PPARG: variants seen among roughly 807,000 people sequenced by gnomAD.
The protein encoded by PPARG is peroxisome proliferator-activated receptor gamma.
A neutral mutation model predicts 39.2 loss-of-function variants in PPARG; 17 were observed. The ratio of observed to expected loss-of-function variants is 0.43; its 90% CI spans 0.30 to 0.65. The LOEUF (loss-of-function observed/expected upper bound fraction) is 0.65, where lower values mean the gene tolerates loss of function less well. Ranked by LOEUF, PPARG falls within the 30% of genes least tolerant of loss-of-function variation. The probability of loss-of-function intolerance (pLI) is 0.13; values close to 1 mark genes in which losing one functional copy is unlikely to be tolerated. For synonymous variants in PPARG, 223 were observed against 215.7 expected, an observed-to-expected ratio of 1.03 and a Z score of -0.30; for missense variants, 406 against 585.9, an observed-to-expected ratio of 0.69 and a Z score of 3.17.
At chr3:12,361,041 A>T (rs4135307) in intron 2 of PPARG, among the ~76,000 whole-genome samples, 1 of 152,136 alleles carries the variant, frequency 6.6e-6, no homozygotes, top group Non-Finnish European at 1.5e-5. Context: ...TGAGTGTTCT[A>T]GCTCTTCTAC....
At chr3:12,367,019 C>T (rs140577704) in intron 2 of PPARG, among the ~76,000 whole-genome samples, 136 of 152,190 alleles carry the variant, frequency 8.9e-4, no homozygotes, top group African/African-American at 3.1e-3. Flanking sequence ...GAACCCAGTC[C>T]GGTGCCTTCT....
intron 2 of PPARG, among the ~76,000 whole-genome samples, chr3:12,336,878 G>A (rs2048027095): frequency 2.0e-5 from 3 of 152,182 alleles, no homozygotes; most frequent in Admixed American, 2.0e-4. Context: ...TGAGCTTCTT[G>A]TGGACATTTA....
intron 4 of PPARG, among the ~76,000 whole-genome samples, chr3:12,390,406 TAATA>T (rs1258055314): frequency 6.6e-6 from 1 of 152,128 alleles, no homozygotes; most frequent in Non-Finnish European, 1.5e-5. Flanking sequence ...ACAAATAGGT[TAATA>T]AATTATAGTA....
At chr3:12,312,487 T>C (rs911003903) in intron 2 of PPARG, 34 bp downstream of exon 2, 1 of 152,232 alleles carries the variant, frequency 6.6e-6, no homozygotes. Context: ...TGCATTTGTA[T>C]TGAAAAGTAT....
chr3:12,400,320 C>T (rs928873421), intron 5 of PPARG, among the ~76,000 whole-genome samples: 4 of 152,150 alleles, frequency 2.6e-5, no homozygotes, highest in East Asian at 1.9e-4. Flanking sequence ...TGTTTCTTAG[C>T]GTTATACCCA....
At chr3:12,390,457 GAGTAAATCAT>G (rs1284102642) in intron 4 of PPARG, among the ~76,000 whole-genome samples, 1 of 151,964 alleles carries the variant, frequency 6.6e-6, no homozygotes, top group African/African-American at 2.4e-5. Flanking sequence ...TTATGAAAAT[GAGTAAATCAT>G]AGTCTTTCAC....
Position 12,403,292 on chromosome 3 carries a change from C to CAA in PPARG, c.530-2576_530-2575dup, listed in dbSNP as rs35403303. Among the ~76,000 whole-genome samples the CAA allele has an allele frequency of 2.0e-3, 278 of 136,076 alleles. 4 individuals carry two copies. In the South Asian group the frequency reaches 0.032, roughly 15 times the overall value. The allele number at this position is 136,076 out of a possible 152,430, so 89.3% of individuals were successfully genotyped here. On this transcript the variant is annotated intron_variant, in intron 5 of 7. Coordinates refer to ENST00000651735, the MANE Select transcript of PPARG (RefSeq NM_138711.6). ...TGGGTGACAGAACGAGACCCTGTCT[C>CAA]AAAAAAAAAAAAAAAGTTGTTATAC...
chr3:12,326,384 TCATA>T (rs1384848233), intron 2 of PPARG, among the ~76,000 whole-genome samples: 1 of 139,664 alleles, frequency 7.2e-6, no homozygotes, highest in Non-Finnish European at 1.6e-5. Context: ...CTTTAATACT[TCATA>T]CAGTGGAAAA....
intron 1 of PPARG, among the ~76,000 whole-genome samples, chr3:12,303,373 G>A (rs2046978497): frequency 6.6e-6 from 1 of 152,046 alleles, no homozygotes; most frequent in Non-Finnish European, 1.5e-5. Context: ...GTTTTTAAAA[G>A]TATTTTTAGT....
upstream of PPARG, among the ~76,000 whole-genome samples, chr3:12,288,528 C>T (rs187866177): frequency 4.6e-5 from 7 of 152,086 alleles, no homozygotes; most frequent in East Asian, 5.8e-4. Context: ...AACTTTGGAG[C>T]AGGGTGTCTG....
intron 2 of PPARG, among the ~76,000 whole-genome samples, chr3:12,352,181 A>T (rs956400361): frequency 6.6e-5 from 10 of 152,230 alleles, no homozygotes; most frequent in African/African-American, 2.4e-4. Context: ...AAAGAATTGT[A>T]AATTCCCAGA....
At chr3:12,395,774 A>G (rs957652205) in intron 5 of PPARG, among the ~76,000 whole-genome samples, 1 of 152,244 alleles carries the variant, frequency 6.6e-6, no homozygotes, top group African/African-American at 2.4e-5. Context: ...CCGATTGCTC[A>G]GAAGCCTTCC....
intron 2 of PPARG, chr3:12,351,523 G>T: frequency 8.4e-7 from 1 of 1,186,918 alleles, no homozygotes; most frequent in Non-Finnish European, 1.3e-6. Context: ...TTCTTTTAAC[G>T]GATTGATCTT....
intron 6 of PPARG, among the ~76,000 whole-genome samples, chr3:12,408,011 A>G (rs2050733835): frequency 6.6e-6 from 1 of 152,186 alleles, no homozygotes; most frequent in Non-Finnish European, 1.5e-5. Flanking sequence ...ATTTTGCCCT[A>G]AGACCCCACA....
rs147544116 is a variant in PPARG at position 12,376,793 on chromosome 3, T to C, written c.-8-2911T>C. On this transcript the variant is annotated intron_variant, in intron 2 of 7. Coordinates refer to ENST00000651735, the MANE Select transcript of PPARG (RefSeq NM_138711.6). ...TTAAGTCATCAATGTATTTAGTATT[T>C]AATAAATAAATATTTAACGAGCACC... 7.6e-4 allele frequency among the ~76,000 whole-genome samples: 116 copies of C among 152,328 alleles called. 2 individuals carry two copies. In the East Asian group the frequency reaches 0.022, roughly 29 times the overall value.
At chr3:12,294,610 T>C (rs2046730989) in intron 1 of PPARG, among the ~76,000 whole-genome samples, 1 of 152,160 alleles carries the variant, frequency 6.6e-6, no homozygotes, top group African/African-American at 2.4e-5. Context: ...ATATCATACA[T>C]GCGGCCAGTC....
chr3:12,292,099 G>C (rs2124922803), intron 1 of PPARG, among the ~76,000 whole-genome samples: 1 of 152,302 alleles, frequency 6.6e-6, no homozygotes, highest in Admixed American at 6.5e-5. Context: ...TGTTAAGATT[G>C]AAGATGATGC....
At chr3:12,388,788 T>C (rs961233494) in intron 4 of PPARG, among the ~76,000 whole-genome samples, 18 of 152,150 alleles carry the variant, frequency 1.2e-4, no homozygotes, top group African/African-American at 4.1e-4. Flanking sequence ...GAAGAGGGCA[T>C]AGGCTTGCAA....
rs143598389 is a variant in PPARG, at chr3:12,410,326, G to A, written c.729+4245G>A. ...ACTGAATGGACTTTGGAAGTGCCCAGTGTTTGACTATTACCCTGGTGCGAT... is the reference window on the plus strand; with the variant it reads ...ACTGAATGGACTTTGGAAGTGCCCAATGTTTGACTATTACCCTGGTGCGAT... On this transcript the variant is annotated intron_variant, in intron 6 of 7. Coordinates refer to ENST00000651735, the MANE Select transcript of PPARG (RefSeq NM_138711.6). Among the ~76,000 whole-genome samples, 15 of 152,322 alleles carry A rather than the reference G, an allele frequency of 9.8e-5. No homozygotes were observed. In the East Asian group the frequency reaches 2.9e-3, roughly 29 times the overall value.
Sources: gnomAD v4.1 joint callset for allele counts (sites outside exome capture counted in the v4.1 genomes callset) on GRCh38, gnomAD v4.1.1 for gene constraint, MANE v1.5 for transcripts, NCBI Gene and HGNC (gene_info 2026-07-23, HGNC 2026-07-21) for gene names.